The following TFAP2D variants were observed in gnomAD, a reference collection of about 807,000 sequenced individuals.
TFAP2D encodes transcription factor AP-2-delta.
TFAP2D carries 9 observed loss-of-function variants against 43.6 expected under a neutral mutation model. That is an observed-to-expected ratio of 0.21 (90% confidence interval 0.12 to 0.36). The LOEUF (loss-of-function observed/expected upper bound fraction) is 0.36, where lower values mean the gene tolerates loss of function less well. Among genes scored for constraint, TFAP2D ranks in the 10% least tolerant of loss-of-function variants. The pLI, the probability that TFAP2D is intolerant of heterozygous loss-of-function variation, is 1.00. For missense variants in TFAP2D, 513 were observed against 561.4 expected (o/e 0.91, Z 0.87); for synonymous variants, 256 against 224.9 (o/e 1.14, Z -1.24).
chr6:50,717,166 T>G (rs1768641108), intron 2 of TFAP2D, among the ~76,000 whole-genome samples: 1 of 152,214 alleles, frequency 6.6e-6, no homozygotes, highest in Non-Finnish European at 1.5e-5. Context: ...GTACAAATTT[T>G]TTTTCTGTGC....
chr6:50,719,952 A>G (rs1227218056), intron 3 of TFAP2D, among the ~76,000 whole-genome samples: 1 of 152,200 alleles, frequency 6.6e-6, no homozygotes, highest in Non-Finnish European at 1.5e-5. Context: ...GAACTATGAC[A>G]TTCTCAGAGC....
intron 5 of TFAP2D, among the ~76,000 whole-genome samples, chr6:50,730,700 A>T (rs565605762): frequency 6.6e-6 from 1 of 152,272 alleles, no homozygotes; most frequent in East Asian, 1.9e-4. Flanking sequence ...CCAACTCCAC[A>T]GAAGAGTCAA....
chr6:50,715,372 A>T lies in TFAP2D; in HGVS notation c.296A>T (p.Gln99Leu). ...TCTCTGAACTCTCTCCACCACTCGC[A>T]ACAGTACTACCAGCAGATCCACCAC... ...AYSLNSLHHS[Q>L]QYYQQIHHGE... The change falls in exon 2 of 8, where the codon CAA becomes CTA. Residue 99 changes from glutamine to leucine, a missense_variant. Physicochemically the swap from Gln to Leu is moderately radical, Grantham distance 113. Coordinates refer to ENST00000008391, the MANE Select transcript of TFAP2D (RefSeq NM_172238.4). The T allele has an allele frequency of 6.2e-7, 1 of 1,614,050 alleles. No individual in the cohort carries two copies.
chr6:50,763,412 T>G (rs1405406864), intron 7 of TFAP2D, among the ~76,000 whole-genome samples: 2 of 152,136 alleles, frequency 1.3e-5, no homozygotes, highest in South Asian at 2.1e-4. Context: ...CTAGCTTACC[T>G]TCCTCCTCCC....
chr6:50,748,057 A>G, intron 6 of TFAP2D, among the ~76,000 whole-genome samples: 1 of 151,936 alleles, frequency 6.6e-6, no homozygotes, highest in Non-Finnish European at 1.5e-5. Context: ...ACAGCTTTAT[A>G]ATTTTTTATT....
chr6:50,744,657 C>A (rs1285649689), intron 5 of TFAP2D, among the ~76,000 whole-genome samples: 1 of 152,074 alleles, frequency 6.6e-6, no homozygotes, highest in South Asian at 2.1e-4. Flanking sequence ...TTATATGGAC[C>A]CTTCGCAGGT....
At chr6:50,716,362 T>A (rs1277377872) in intron 2 of TFAP2D, among the ~76,000 whole-genome samples, 1 of 152,022 alleles carries the variant, frequency 6.6e-6, no homozygotes, top group Admixed American at 6.6e-5. Context: ...TTCCAGCCAT[T>A]ACATTTTACG....
intron 6 of TFAP2D, among the ~76,000 whole-genome samples, chr6:50,748,480 C>T (rs553814187): frequency 1.9e-4 from 29 of 151,812 alleles, no homozygotes; most frequent in Admixed American, 1.1e-3. Flanking sequence ...TCTTTTTTAC[C>T]TCCATGGATT....
At chr6:50,741,533 T>C (rs752952327) in intron 5 of TFAP2D, among the ~76,000 whole-genome samples, 40 of 152,086 alleles carry the variant, frequency 2.6e-4, no homozygotes, top group Non-Finnish European at 4.7e-4. Flanking sequence ...TGAGGACATG[T>C]GGTATTTGAT....
intron 6 of TFAP2D, among the ~76,000 whole-genome samples, chr6:50,749,426 A>G (rs1270341831): frequency 3.3e-5 from 5 of 151,858 alleles, no homozygotes; most frequent in Non-Finnish European, 7.4e-5. Context: ...AATTTATTTT[A>G]ATCTGATAGA....
intron 3 of TFAP2D, among the ~76,000 whole-genome samples, chr6:50,719,634 G>T (rs1768687813): frequency 6.6e-6 from 1 of 152,190 alleles, no homozygotes; most frequent in Admixed American, 6.5e-5. Context: ...GGCTTTTAGG[G>T]ATTCTGTGAA....
chr6:50,744,662 G>A (rs1214144047), intron 5 of TFAP2D, among the ~76,000 whole-genome samples: 3 of 152,002 alleles, frequency 2.0e-5, no homozygotes, highest in Admixed American at 6.6e-5. Flanking sequence ...TGGACCCTTC[G>A]CAGGTATTTT....
chr6:50,723,910 C>A (rs1272199468), intron 3 of TFAP2D, among the ~76,000 whole-genome samples: 6 of 152,206 alleles, frequency 3.9e-5, no homozygotes, highest in African/African-American at 1.4e-4. Flanking sequence ...TCACGCACAC[C>A]TCTCTTTTGT....
intron 7 of TFAP2D, among the ~76,000 whole-genome samples, chr6:50,757,954 A>T (rs1769312714): frequency 6.7e-6 from 1 of 149,952 alleles, no homozygotes; most frequent in African/African-American, 2.4e-5. Context: ...TACATAGCGA[A>T]TAGTATGTAT....
intron 3 of TFAP2D, among the ~76,000 whole-genome samples, chr6:50,719,465 G>GAAAA (rs1453110135): frequency 7.5e-6 from 1 of 133,764 alleles, no homozygotes; most frequent in Non-Finnish European, 1.7e-5. Context: ...AAGAAAGAAA[G>GAAAA]AAAGAAAGAA....
rs566137899 is a variant in TFAP2D, at chr6:50,751,134, C to G, written c.1026-77C>G. The G allele has an allele frequency of 2.3e-5, 23 of 1,001,838 alleles. No individual in the cohort carries two copies. In the South Asian group the frequency reaches 3.1e-4, roughly 14 times the overall value. The allele number at this position is 1,001,838 out of a possible 1,614,324, so 62.1% of individuals were successfully genotyped here. ...ACTTCTTTTAAAAGAGAGAACAAGC[C>G]TTTGGTTAAATATCATGGGATGAAA... On this transcript the variant is annotated intron_variant, in intron 6 of 7. Transcript: ENST00000008391.
At chr6:50,729,706 T>C (rs1433357898) in intron 5 of TFAP2D, among the ~76,000 whole-genome samples, 2 of 152,136 alleles carry the variant, frequency 1.3e-5, no homozygotes, top group Non-Finnish European at 2.9e-5. Flanking sequence ...AAATAACCCT[T>C]TATGAAGAGT....
intron 5 of TFAP2D, among the ~76,000 whole-genome samples, chr6:50,742,954 AACAC>A (rs3060372): frequency 0.11 from 15,904 of 139,558 alleles, 1,132 homozygotes; most frequent in Admixed American, 0.23. Flanking sequence ...ACGACTTTAA[AACAC>A]ACACACACAC....
At chr6:50,716,727 T>C (rs1768634158) in intron 2 of TFAP2D, among the ~76,000 whole-genome samples, 1 of 152,238 alleles carries the variant, frequency 6.6e-6, no homozygotes, top group Non-Finnish European at 1.5e-5. Flanking sequence ...GTTCTACCTG[T>C]GAGTTCCTAC....
Sources: gnomAD v4.1 joint callset for allele counts (sites outside exome capture counted in the v4.1 genomes callset) on GRCh38, gnomAD v4.1.1 for gene constraint, MANE v1.5 for transcripts, NCBI Gene and HGNC (gene_info 2026-07-23, HGNC 2026-07-21) for gene names.